CNTN3: variants seen among roughly 807,000 people sequenced by gnomAD.
CNTN3 encodes the protein contactin 3.
Under a neutral mutation model 119.1 loss-of-function variants are expected in CNTN3, and 60 were observed. The ratio of observed to expected loss-of-function variants is 0.50; its 90% CI spans 0.41 to 0.62. The LOEUF is 0.62. Ranked by LOEUF, CNTN3 falls within the 20% of genes least tolerant of loss-of-function variation. The pLI is 0.00. For synonymous variants in CNTN3, 450 were observed against 438.7 expected, an observed-to-expected ratio of 1.03 and a Z score of -0.32; for missense variants, 1,101 against 1,242.4, an observed-to-expected ratio of 0.89 and a Z score of 1.71.
intron 3 of CNTN3, among the ~76,000 whole-genome samples, chr3:74,490,617 G>A (rs1343632852): frequency 6.6e-6 from 1 of 152,106 alleles, no homozygotes; most frequent in African/African-American, 2.4e-5. Flanking sequence ...AGGTGTCCAA[G>A]ATGTAAAACT....
chr3:74,367,793 G>A (rs1007872787), intron 8 of CNTN3, among the ~76,000 whole-genome samples: 2 of 152,058 alleles, frequency 1.3e-5, no homozygotes, highest in Non-Finnish European at 2.9e-5. Context: ...CAGGGTTTCT[G>A]TTATATAGAG....
At chr3:74,502,003 G>A (rs763446708) in intron 2 of CNTN3, among the ~76,000 whole-genome samples, 12 of 152,040 alleles carry the variant, frequency 7.9e-5, no homozygotes, top group East Asian at 1.9e-4. Flanking sequence ...CTAGAAAGTC[G>A]AAAATATTTG....
intron 1 of CNTN3, among the ~76,000 whole-genome samples, chr3:74,598,916 T>C (rs1461883216): frequency 6.6e-6 from 1 of 152,038 alleles, no homozygotes; most frequent in East Asian, 1.9e-4. Context: ...AGTATAATAA[T>C]TGCTATCATA....
intron 13 of CNTN3, among the ~76,000 whole-genome samples, chr3:74,307,110 C>T (rs1485685395): frequency 1.3e-5 from 2 of 152,104 alleles, no homozygotes; most frequent in African/African-American, 4.8e-5. Context: ...TAGGCATGTG[C>T]AAAGACCTAA....
At chr3:74,475,117 G>A (rs1186832117) in intron 4 of CNTN3, among the ~76,000 whole-genome samples, 1 of 152,094 alleles carries the variant, frequency 6.6e-6, no homozygotes, top group Non-Finnish European at 1.5e-5. Flanking sequence ...TAATACATGT[G>A]CCTTCTCTGG....
intron 2 of CNTN3, among the ~76,000 whole-genome samples, chr3:74,511,921 G>C (rs1221865950): frequency 6.6e-6 from 1 of 152,010 alleles, no homozygotes; most frequent in Admixed American, 6.6e-5. Context: ...GAAAGATCAT[G>C]TCTACTAGGA....
chr3:74,431,804 A>T (rs899636586), intron 4 of CNTN3, among the ~76,000 whole-genome samples: 1 of 152,220 alleles, frequency 6.6e-6, no homozygotes, highest in African/African-American at 2.4e-5. Context: ...TGGTCTCAAC[A>T]TTTAAAAACT....
intron 13 of CNTN3, among the ~76,000 whole-genome samples, chr3:74,317,984 G>A (rs926419104): frequency 3.9e-5 from 6 of 152,222 alleles, no homozygotes; most frequent in Non-Finnish European, 5.9e-5. Context: ...CCAATCAGAC[G>A]TAGATTTGGT....
At chr3:74,571,454 C>T (rs984577899) in intron 1 of CNTN3, among the ~76,000 whole-genome samples, 12 of 152,128 alleles carry the variant, frequency 7.9e-5, no homozygotes, top group African/African-American at 2.9e-4. Flanking sequence ...CATCTCTACC[C>T]CTCATTGATT....
intron 4 of CNTN3, among the ~76,000 whole-genome samples, chr3:74,466,236 G>A (rs1313142309): frequency 1.3e-5 from 2 of 152,132 alleles, no homozygotes; most frequent in Non-Finnish European, 2.9e-5. Flanking sequence ...ACAGATGAAG[G>A]AGAAAGATAA....
intron 22 of CNTN3, among the ~76,000 whole-genome samples, chr3:74,265,916 A>G (rs1162603573): frequency 1.3e-5 from 2 of 152,158 alleles, no homozygotes; most frequent in Admixed American, 1.3e-4. Context: ...TACGCAAACC[A>G]AAGTCTGTTT....
intron 5 of CNTN3, among the ~76,000 whole-genome samples, chr3:74,381,341 G>C (rs1378328838): frequency 6.6e-6 from 1 of 152,006 alleles, no homozygotes; most frequent in African/African-American, 2.4e-5. Flanking sequence ...ATAAGTACAT[G>C]ATTATGAAAG....
At position 74,512,623 on chromosome 3, in the gene CNTN3, A is replaced by G. The variant is rs114050533; in HGVS notation, c.55+8435T>C. Among the ~76,000 whole-genome samples, 653 of 123,404 alleles carry G rather than the reference A, an allele frequency of 5.3e-3. 6 individuals are homozygous for G. Among genetic ancestry groups the G allele is most frequent in the African/African-American group, 0.019 (623 of 32,484 alleles). The allele number at this position is 123,404 out of a possible 152,430, so 81.0% of individuals were successfully genotyped here. On this transcript the variant is annotated intron_variant, in intron 2 of 22. Transcript: ENST00000263665. ...ATTAGATTCTTTTATACTGTTATTTATTTTCTCCTATAATAGAAATAATGG... is the reference window on the plus strand; with the variant it reads ...ATTAGATTCTTTTATACTGTTATTTGTTTTCTCCTATAATAGAAATAATGG...
chr3:74,595,842 C>A (rs942845803), intron 1 of CNTN3, among the ~76,000 whole-genome samples: 1 of 152,028 alleles, frequency 6.6e-6, no homozygotes, highest in Non-Finnish European at 1.5e-5. Context: ...CTGGCCAGGG[C>A]AATTAGGCAG....
At chr3:74,305,101 T>C (rs1702533617) in intron 13 of CNTN3, among the ~76,000 whole-genome samples, 2 of 152,222 alleles carry the variant, frequency 1.3e-5, no homozygotes, top group Admixed American at 1.3e-4. Flanking sequence ...ACATGGCCCA[T>C]GCTTTCTAGG....
At position 74,339,445 on chromosome 3, in the gene CNTN3, T is replaced by C. The variant is rs138650342; in HGVS notation, c.1365-2787A>G. 4.5e-3 allele frequency among the ~76,000 whole-genome samples: 683 copies of C among 152,294 alleles called. 9 individuals are homozygous for C. Among genetic ancestry groups the C allele is most frequent in the African/African-American group, 0.016 (656 of 41,574 alleles). On this transcript the variant is annotated intron_variant, in intron 11 of 22. Coordinates refer to ENST00000263665, the MANE Select transcript of CNTN3 (RefSeq NM_020872.3). Reference sequence around the variant, plus strand: ...CTTTATAAAAACTATTTCCTCTCTCTGGTTGACCTGTATTCATCCTTCAGA... The same window carrying C: ...CTTTATAAAAACTATTTCCTCTCTCCGGTTGACCTGTATTCATCCTTCAGA...
At chr3:74,317,746 C>G (rs1702872455) in intron 13 of CNTN3, among the ~76,000 whole-genome samples, 1 of 152,122 alleles carries the variant, frequency 6.6e-6, no homozygotes, top group Non-Finnish European at 1.5e-5. Context: ...GGTAACCCGA[C>G]CTTTCTCTCT....
intron 13 of CNTN3, among the ~76,000 whole-genome samples, chr3:74,313,084 G>C (rs571087597): frequency 1.9e-4 from 29 of 150,782 alleles, no homozygotes; most frequent in African/African-American, 6.8e-4. Flanking sequence ...GCATGGTTGA[G>C]AAAAAATTTC....
At chr3:74,440,963 C>G (rs1417647520) in intron 4 of CNTN3, among the ~76,000 whole-genome samples, 5 of 152,084 alleles carry the variant, frequency 3.3e-5, no homozygotes, top group Admixed American at 1.3e-4. Flanking sequence ...GTTTGGTATC[C>G]ATGAGAGTCC....
Sources: gnomAD v4.1 joint callset for allele counts (sites outside exome capture counted in the v4.1 genomes callset) on GRCh38, gnomAD v4.1.1 for gene constraint, MANE v1.5 for transcripts, NCBI Gene and HGNC (gene_info 2026-07-23, HGNC 2026-07-21) for gene names.